The following USH2A variants were observed in gnomAD, a reference collection of about 807,000 sequenced individuals.
USH2A encodes Usher syndrome 2A (autosomal recessive, mild).
Under a neutral mutation model 538.9 loss-of-function variants are expected in USH2A, and 443 were observed. The ratio of observed to expected loss-of-function variants is 0.82; its 90% CI spans 0.76 to 0.89. The LOEUF (loss-of-function observed/expected upper bound fraction) is 0.89, where lower values mean the gene tolerates loss of function less well. Among genes scored for constraint, USH2A ranks in the 40% least tolerant of loss-of-function variants. The probability of loss-of-function intolerance (pLI) is 0.00; values close to 1 mark genes in which losing one functional copy is unlikely to be tolerated. For synonymous variants in USH2A, 2,413 were observed against 2,273.5 expected, an observed-to-expected ratio of 1.06 and a Z score of -1.75; for missense variants, 6,633 against 6,324.8, an observed-to-expected ratio of 1.05 and a Z score of -1.65.
intron 55 of USH2A, among the ~76,000 whole-genome samples, chr1:215,778,573 CCTT>C (rs1661532298): frequency 6.6e-6 from 1 of 152,072 alleles, no homozygotes; most frequent in Non-Finnish European, 1.5e-5. Context: ...AACCTGTGTC[CCTT>C]CTTAGGAAAA....
At chr1:216,333,867 TC>T (rs1403880462) in intron 4 of USH2A, among the ~76,000 whole-genome samples, 2 of 152,070 alleles carry the variant, frequency 1.3e-5, no homozygotes, top group African/African-American at 4.8e-5. Flanking sequence ...AGCAAAACTC[TC>T]CTTCAAAAAT....
intron 37 of USH2A, among the ~76,000 whole-genome samples, chr1:215,964,025 T>C (rs992794164): frequency 1.3e-5 from 2 of 152,126 alleles, no homozygotes; most frequent in African/African-American, 4.8e-5. Context: ...GCCGCGCAGC[T>C]TTGCAACATT....
rs746470499 is a variant in USH2A at position 215,650,590 on chromosome 1, A to G, written c.14343+2T>C. 12 of 1,614,200 alleles carry G rather than the reference A, an allele frequency of 7.4e-6. No homozygotes were observed. On this transcript the variant is annotated splice_donor_variant, in intron 65 of 71. Transcript: ENST00000307340. LOFTEE classifies it high-confidence loss of function. ...TCCTGGATTTTTAGCTCTGCTGCTC[A>G]CCACTGTCTCAGCCCCATGGGCGCT...
chr1:216,296,365 T>C (rs1298056553), intron 9 of USH2A, among the ~76,000 whole-genome samples: 1 of 152,036 alleles, frequency 6.6e-6, no homozygotes, highest in Middle Eastern at 3.2e-3. Context: ...AAGGTAGTTG[T>C]CCCGCTTCTC....
intron 60 of USH2A, among the ~76,000 whole-genome samples, chr1:215,734,004 G>A (rs1660081113): frequency 6.6e-6 from 1 of 152,168 alleles, no homozygotes; most frequent in Admixed American, 6.5e-5. Flanking sequence ...ACTCTGTATG[G>A]TGGCTCCAAC....
chr1:216,367,262 C>G (rs1430858944), intron 3 of USH2A, among the ~76,000 whole-genome samples: 3 of 152,162 alleles, frequency 2.0e-5, no homozygotes, highest in Non-Finnish European at 2.9e-5. Flanking sequence ...ACTAGCATGA[C>G]AGTTTATTTA....
intron 13 of USH2A, among the ~76,000 whole-genome samples, chr1:216,244,340 TA>T (rs2102541626): frequency 6.6e-6 from 1 of 152,240 alleles, no homozygotes; most frequent in East Asian, 1.9e-4. Context: ...GACTGGAAGA[TA>T]AAAACTCATA....
chr1:216,417,426 AT>A (rs2039596568), intron 3 of USH2A, among the ~76,000 whole-genome samples: 1 of 152,052 alleles, frequency 6.6e-6, no homozygotes, highest in South Asian at 2.1e-4. Context: ...AAGTTACATG[AT>A]TTGGCTCTGT....
intron 11 of USH2A, among the ~76,000 whole-genome samples, chr1:216,278,373 A>G (rs1182276760): frequency 6.6e-6 from 1 of 152,036 alleles, no homozygotes; most frequent in Non-Finnish European, 1.5e-5. Flanking sequence ...CTCAATACTA[A>G]CCTTCCTATC....
intron 64 of USH2A, among the ~76,000 whole-genome samples, chr1:215,662,977 T>C (rs1412146477): frequency 6.6e-6 from 1 of 152,174 alleles, no homozygotes; most frequent in Non-Finnish European, 1.5e-5. Context: ...AAGTAGCTAA[T>C]TGCATAAAAG....
chr1:216,198,629 G>T, intron 17 of USH2A, 45 bp from the exon 18 acceptor site: 1 of 1,587,066 alleles, frequency 6.3e-7, no homozygotes. Context: ...TCAGACAAAG[G>T]GGTTACTTTA....
chr1:215,680,168 C>T lies in USH2A; in HGVS notation c.12275G>A (p.Arg4092Lys), dbSNP rs727505170. ...ALLLQWSEPM[R>K]TNGVIKTYNI... is the part of the protein sequence containing the mutation. ...CATTACCTTAATCACACCATTGGTTCTCATAGGTTCTGACCACTGTAGTAG... is the reference window on the plus strand; with the variant it reads ...CATTACCTTAATCACACCATTGGTTTTCATAGGTTCTGACCACTGTAGTAG... Residue 4092 changes from arginine (R) to lysine (K), a missense_variant, in exon 62 of 72, where the codon AGA (arginine) becomes AAA (lysine). By Grantham distance (26) the Arg-to-Lys change is conservative. Coordinates refer to ENST00000307340, the MANE Select transcript of USH2A (RefSeq NM_206933.4). 46 of 1,613,984 alleles carry T rather than the reference C, an allele frequency of 2.9e-5. No individual in the cohort carries two copies. In the Middle Eastern group the frequency reaches 1.2e-3, roughly 40 times the overall value.
At chr1:215,719,152 CTGTGTGTGTG>C (rs907122411) in intron 61 of USH2A, among the ~76,000 whole-genome samples, 1 of 151,168 alleles carries the variant, frequency 6.6e-6, no homozygotes, top group African/African-American at 2.4e-5. Context: ...GAGTGTGTGT[CTGTGTGTGTG>C]TGTGACTAAA....
Position 215,669,780 on chromosome 1 carries a change from A to G in USH2A, c.14133+1192T>C, listed in dbSNP as rs1054015511. ...TTATTTATATTTTTAAATCTTATTA[A>G]TTCGGTAATTTGTCCCATACATTAT... On this transcript the variant is annotated intron_variant, in intron 64 of 71. Transcript: ENST00000307340. 5.3e-5 allele frequency among the ~76,000 whole-genome samples: 8 copies of G among 152,320 alleles called. No homozygotes were observed. In the South Asian group the frequency reaches 1.7e-3, roughly 32 times the overall value.
intron 8 of USH2A, 94 bp from the exon 9 acceptor site, chr1:216,322,070 C>T: frequency 8.3e-7 from 1 of 1,208,592 alleles, no homozygotes; most frequent in Non-Finnish European, 1.2e-6. Context: ...GTGAATTTAA[C>T]AGGGAAGATT....
chr1:215,831,015 A>G (rs898077471), intron 47 of USH2A, among the ~76,000 whole-genome samples: 1 of 152,198 alleles, frequency 6.6e-6, no homozygotes, highest in Non-Finnish European at 1.5e-5. Context: ...GAAGGAATCA[A>G]TCGAAAAATC....
chr1:216,101,135 C>T (rs1223503963), intron 21 of USH2A, among the ~76,000 whole-genome samples: 1 of 152,156 alleles, frequency 6.6e-6, no homozygotes, highest in Admixed American at 6.5e-5. Context: ...TGCACACGTT[C>T]ACTGAAACAT....
chr1:215,803,760 C>A lies in USH2A; in HGVS notation c.9740-4635G>T, dbSNP rs534209953. On this transcript the variant is annotated intron_variant, in intron 49 of 71. Coordinates refer to ENST00000307340, the MANE Select transcript of USH2A (RefSeq NM_206933.4). ...TCCCCATCAAGCTACCAATGACTTT[C>A]TTCACAGAATTGGAAAAAACTACTT... Among the ~76,000 whole-genome samples the A allele has an allele frequency of 7.3e-4, 111 of 152,280 alleles. 1 individual carries two copies. Among genetic ancestry groups the A allele is most frequent in the African/African-American group, 2.6e-3 (107 of 41,548 alleles).
At chr1:215,835,308 A>AT (rs986817666) in intron 47 of USH2A, among the ~76,000 whole-genome samples, 17 of 150,714 alleles carry the variant, frequency 1.1e-4, no homozygotes, top group Middle Eastern at 7.0e-3. Context: ...ATCTGGAGGT[A>AT]TTTTTTTTGA....
Sources: allele counts gnomAD v4.1 joint callset (sites outside exome capture counted in the v4.1 genomes callset), GRCh38; gene constraint gnomAD v4.1.1; transcripts MANE v1.5; gene names NCBI Gene and HGNC (gene_info 2026-07-23, HGNC 2026-07-21).